CHD1L: variants seen among roughly 807,000 people sequenced by gnomAD.
CHD1L encodes chromodomain helicase DNA binding protein 1 like.
In CHD1L, 118 loss-of-function variants were observed where a neutral mutation model predicts 115.9. That is an observed-to-expected ratio of 1.02 (90% CI 0.88 to 1.19). CHD1L has a LOEUF of 1.19. Among genes scored for constraint, CHD1L ranks in the 50% most tolerant of loss-of-function variants. The pLI is 0.00. For missense variants in CHD1L, 1,179 were observed against 1,065.3 expected (o/e 1.11, Z -1.49); for synonymous variants, 411 against 387.1 (o/e 1.06, Z -0.72).
chr1:147,279,890 T>C (rs1164777171), intron 14 of CHD1L, 136 bp from the exon 15 acceptor site: 3 of 782,190 alleles, frequency 3.8e-6, no homozygotes, highest in African/African-American at 3.4e-5. Flanking sequence ...CTATCTATGA[T>C]GGGGAGAGCA....
At chr1:147,212,126 T>C in the CHD1L span, among the ~76,000 whole-genome samples, 1 of 152,206 alleles carries the variant, frequency 6.6e-6, no homozygotes, top group Non-Finnish European at 1.5e-5. Flanking sequence ...GATGCCTGAT[T>C]AGGATAATGA....
chr1:147,275,324 T>C, intron 12 of CHD1L, 30 bp from the exon 13 acceptor site: 1 of 1,522,598 alleles, frequency 6.6e-7, no homozygotes, highest in Non-Finnish European at 9.1e-7. Context: ...TTTGTGCTGC[T>C]GATTACATTC....
intron 6 of CHD1L, among the ~76,000 whole-genome samples, chr1:147,262,825 CT>C (rs1249966055): frequency 1.3e-5 from 2 of 151,960 alleles, no homozygotes; most frequent in Admixed American, 6.6e-5. Context: ...ATGGCCCCCC[CT>C]CCAAATCAAA....
At chr1:147,237,714 T>A (rs1442980028), upstream of CHD1L, among the ~76,000 whole-genome samples, 4 of 152,152 alleles carry the variant, frequency 2.6e-5, no homozygotes, top group African/African-American at 9.7e-5. Flanking sequence ...TTTGGCAAAC[T>A]CAAAAGCCTT....
intron 9 of CHD1L, among the ~76,000 whole-genome samples, chr1:147,267,975 AATG>A (rs1367851109): frequency 1.3e-5 from 2 of 152,154 alleles, no homozygotes; most frequent in Admixed American, 1.3e-4. Context: ...CAGGTTCACT[AATG>A]ATCTCCCTGT....
In CHD1L at chr1:147,290,344, C is replaced by T. The variant is rs146899466; in HGVS notation, c.2321-1138C>T. Among the ~76,000 whole-genome samples the T allele has an allele frequency of 6.7e-3, 1,027 of 152,220 alleles. 10 individuals are homozygous for T. In the Middle Eastern group the frequency reaches 0.085, roughly 13 times the overall value. Reference sequence around the variant, plus strand: ...AAGTGGTCCACCTCCCTCAGCTTCTCCAAGTGCAAGGATTACACACATAAG... The same window carrying T: ...AAGTGGTCCACCTCCCTCAGCTTCTTCAAGTGCAAGGATTACACACATAAG... On this transcript the variant is annotated intron_variant, in intron 19 of 22. Transcript: ENST00000369258.
At chr1:147,275,800 A>T (rs1345006291) in intron 13 of CHD1L, among the ~76,000 whole-genome samples, 1 of 149,172 alleles carries the variant, frequency 6.7e-6, no homozygotes, top group African/African-American at 2.5e-5. Flanking sequence ...AAAAAAAGAA[A>T]GATAGATGTT....
At chr1:147,207,816 G>T in the CHD1L span, among the ~76,000 whole-genome samples, 5 of 152,104 alleles carry the variant, frequency 3.3e-5, no homozygotes, top group East Asian at 7.7e-4. Context: ...CTACCCATTC[G>T]CTCTGAAGTA....
intron 14 of CHD1L, among the ~76,000 whole-genome samples, chr1:147,278,509 CA>C (rs1679520240): frequency 7.6e-6 from 1 of 131,834 alleles, no homozygotes; most frequent in African/African-American, 2.9e-5. Context: ...AGGCATGAGC[CA>C]CTGCGCCTGG....
intron 10 of CHD1L, 40 bp downstream of exon 10, chr1:147,268,918 CTG>C: frequency 6.8e-7 from 1 of 1,469,216 alleles, no homozygotes; most frequent in Non-Finnish European, 9.5e-7. Context: ...GAGCTAATGA[CTG>C]TTAAAACCTG....
intron 19 of CHD1L, among the ~76,000 whole-genome samples, chr1:147,288,332 A>AAAAAAAAG (rs1684126927): frequency 5.0e-3 from 7 of 1,400 alleles, no homozygotes; most frequent in African/African-American, 8.2e-3. Flanking sequence ...CAATAAAAAA[A>AAAAAAAAG]AAAAAAAAAA....
In CHD1L at chr1:147,268,874, T is replaced by C. The variant is rs377698659; in HGVS notation, c.1081T>C (p.Ser361Pro). 13 of 1,611,476 alleles carry C rather than the reference T, an allele frequency of 8.1e-6. No homozygotes were observed. In the African/African-American group the frequency reaches 1.7e-4, roughly 22 times the overall value. The stretch of plus-strand genomic sequence containing the variant: ...GGATAAGCTACTAGCATTCCTGTAT[T>C]CTGGGTAGGTGGTAGGTTCACATTT... ...LLDKLLAFLY[S>P]GGHRVLLFSQ... Residue 361 changes from serine (S) to proline (P), a missense_variant, in exon 10 of 23, where the codon TCT becomes CCT. Ser to Pro is a moderately conservative substitution (Grantham distance 74). Transcript: ENST00000369258.
Position 147,264,889 on chromosome 1 carries a change from G to T in CHD1L, c.739+305G>T, listed in dbSNP as rs4950392. Reference sequence around the variant, plus strand: ...TTTCCAACTTGTAATTTCTATAAAGGCTTTGTTAACTTTATAAGTCACTTC... The same window carrying T: ...TTTCCAACTTGTAATTTCTATAAAGTCTTTGTTAACTTTATAAGTCACTTC... On this transcript the variant is annotated intron_variant, in intron 7 of 22. Coordinates refer to ENST00000369258, the MANE Select transcript of CHD1L (RefSeq NM_004284.6). Among the ~76,000 whole-genome samples, 27,047 of 152,124 alleles carry T rather than the reference G, an allele frequency of 0.18. 3,067 individuals carry two copies. Among genetic ancestry groups the T allele is most frequent in the Middle Eastern group, 0.26 (77 of 292 alleles).
chr1:147,287,088 A>T (rs1683462672), intron 18 of CHD1L, among the ~76,000 whole-genome samples: 1 of 152,178 alleles, frequency 6.6e-6, no homozygotes, highest in Non-Finnish European at 1.5e-5. Flanking sequence ...TAAAAAATAC[A>T]CTTATGGCAG....
chr1:147,254,297 C>T lies in CHD1L; in HGVS notation c.241-573C>T, dbSNP rs587706509. 1.1e-4 allele frequency among the ~76,000 whole-genome samples: 16 copies of T among 152,070 alleles called. No individual in the cohort carries two copies. In the South Asian group the frequency reaches 1.2e-3, roughly 12 times the overall value. On this transcript the variant is annotated intron_variant, in intron 2 of 22. Coordinates refer to ENST00000369258, the MANE Select transcript of CHD1L (RefSeq NM_004284.6). The stretch of plus-strand genomic sequence containing the variant: ...CCTCCAGGAGGGCTGGGCGTTTTGT[C>T]GGTTCTGTTCACTGTTGTATAACTG...
the CHD1L span, among the ~76,000 whole-genome samples, chr1:147,229,637 A>G: frequency 6.6e-6 from 1 of 152,164 alleles, no homozygotes; most frequent in Middle Eastern, 3.2e-3. Context: ...CTTCCTACCC[A>G]TGAGCATGGA....
At chr1:147,235,805 T>C in the CHD1L span, among the ~76,000 whole-genome samples, 3 of 152,176 alleles carry the variant, frequency 2.0e-5, no homozygotes, top group Non-Finnish European at 4.4e-5. Context: ...TATGGTATAT[T>C]ATTGAGACAA....
At chr1:147,212,311 C>A in the CHD1L span, 1 of 1,422,618 alleles carries the variant, frequency 7.0e-7, no homozygotes, top group Admixed American at 1.8e-5. Context: ...TATCCCTATT[C>A]TCTGTTGGGT....
At chr1:147,289,498 G>T (rs1427097588) in intron 19 of CHD1L, among the ~76,000 whole-genome samples, 3 of 152,190 alleles carry the variant, frequency 2.0e-5, no homozygotes, top group Non-Finnish European at 4.4e-5. Context: ...GCACTTTGAG[G>T]AGAGTGGGAA....
Sources: allele counts gnomAD v4.1 joint callset (sites outside exome capture counted in the v4.1 genomes callset), GRCh38; gene constraint gnomAD v4.1.1; transcripts MANE v1.5; gene names NCBI Gene and HGNC (gene_info 2026-07-23, HGNC 2026-07-21).